Variants in TMTC2 observed in about 807,000 individuals in gnomAD.
TMTC2 encodes the protein protein O-mannosyl-transferase TMTC2.
Under a neutral mutation model 82.4 loss-of-function variants are expected in TMTC2, and 43 were observed. The observed-to-expected ratio is 0.52, with a 90% CI of 0.41 to 0.67. The LOEUF is 0.67. TMTC2 is among the 30% of genes least tolerant of loss of function. The pLI is 0.00. For synonymous variants in TMTC2, 408 were observed against 381.9 expected, an observed-to-expected ratio of 1.07 and a Z score of -0.80; for missense variants, 919 against 1,012.4, an observed-to-expected ratio of 0.91 and a Z score of 1.25.
At chr12:82,701,517 C>T (rs1307186367) in intron 1 of TMTC2, among the ~76,000 whole-genome samples, 16 of 149,798 alleles carry the variant, frequency 1.1e-4, no homozygotes, top group African/African-American at 3.4e-4. Context: ...TTTGGGAGGC[C>T]GAGGCGGGCG....
chr12:83,004,953 A>T (rs1275609417), intron 8 of TMTC2, among the ~76,000 whole-genome samples: 1 of 150,854 alleles, frequency 6.6e-6, no homozygotes, highest in African/African-American at 2.4e-5. Flanking sequence ...GGACTTCGTG[A>T]CCAGCCTGGC....
chr12:82,965,617 G>A lies in TMTC2; in HGVS notation c.1742G>A (p.Arg581Gln), dbSNP rs141363494. Residue 581 changes from arginine (R) to glutamine (Q), a missense_variant, in exon 6 of 12, where the codon CGA becomes CAA. Transcript: ENST00000321196. ...AACCAAGGAAGGACGGAAGAAGCCC[G>A]ACGGACATTCTTAAAGTGTTCGGAG... Reference protein sequence around the residue: ...LMNQGRTEEARRTFLKCSEIP... With the variant: ...LMNQGRTEEAQRTFLKCSEIP... 26 of 1,613,730 alleles carry A rather than the reference G, an allele frequency of 1.6e-5. No individual in the cohort carries two copies. The highest frequency in any genetic ancestry group is 1.6e-4 in the Middle Eastern group (1 of 6,062).
At chr12:82,869,577 C>T (rs1220863185) in intron 2 of TMTC2, among the ~76,000 whole-genome samples, 2 of 152,146 alleles carry the variant, frequency 1.3e-5, no homozygotes, top group Non-Finnish European at 2.9e-5. Flanking sequence ...TGGTGACTCA[C>T]ACTTGTAATG....
intron 2 of TMTC2, among the ~76,000 whole-genome samples, chr12:82,875,758 AT>A (rs1389773487): frequency 1.3e-5 from 2 of 152,120 alleles, no homozygotes; most frequent in African/African-American, 4.8e-5. Flanking sequence ...TTCAGTTGAA[AT>A]TTAGCTTGTG....
At chr12:82,828,648 G>A (rs1435649180) in intron 1 of TMTC2, among the ~76,000 whole-genome samples, 1 of 152,104 alleles carries the variant, frequency 6.6e-6, no homozygotes, top group Non-Finnish European at 1.5e-5. Context: ...CATCATAAAA[G>A]GTTTCTGTCC....
At chr12:82,854,762 A>T (rs1423853948) in intron 1 of TMTC2, among the ~76,000 whole-genome samples, 1 of 152,190 alleles carries the variant, frequency 6.6e-6, no homozygotes, top group East Asian at 1.9e-4. Flanking sequence ...CATTTAGAAA[A>T]GTCAACTAGT....
chr12:82,973,516 A>C (rs1730979931), intron 7 of TMTC2, among the ~76,000 whole-genome samples: 1 of 152,194 alleles, frequency 6.6e-6, no homozygotes, highest in Admixed American at 6.5e-5. Flanking sequence ...TATGAAATTT[A>C]TGAGCAAAAA....
In TMTC2 at chr12:82,896,348, T is replaced by C; in HGVS notation, c.1185T>C (p.Val395=). 1 of 1,614,146 alleles carries C rather than the reference T, an allele frequency of 6.2e-7. No homozygotes were observed. The change falls in exon 3 of 12, where the codon GTT becomes GTC. Residue 395 remains valine, a synonymous_variant. Transcript: ENST00000321196. The part of the protein sequence containing the change: ...TQLPSTENIV[V]LSLSLLIIPF... ...TTCCTTCTACGGAGAACATTGTTGT[T>C]CTGTCTTTATCTTTGTTAATCATAC...
intron 4 of TMTC2, among the ~76,000 whole-genome samples, chr12:82,960,593 G>T (rs1877875888): frequency 6.6e-6 from 1 of 151,934 alleles, no homozygotes; most frequent in Non-Finnish European, 1.5e-5. Context: ...ATGGCCATAA[G>T]ATGGCAATAA....
intron 4 of TMTC2, among the ~76,000 whole-genome samples, chr12:82,939,029 T>C (rs188687216): frequency 2.6e-5 from 4 of 152,312 alleles, no homozygotes; most frequent in Admixed American, 2.0e-4. Context: ...GTCTTCATTT[T>C]AAGTTGTTTA....
chr12:82,826,911 C>T (rs1034120900), intron 1 of TMTC2, among the ~76,000 whole-genome samples: 1 of 152,138 alleles, frequency 6.6e-6, no homozygotes, highest in Non-Finnish European at 1.5e-5. Flanking sequence ...CTTATTAGAT[C>T]AACACATTAA....
intron 1 of TMTC2, among the ~76,000 whole-genome samples, chr12:82,775,522 A>G (rs1403234826): frequency 1.3e-5 from 2 of 152,078 alleles, no homozygotes; most frequent in Non-Finnish European, 2.9e-5. Context: ...ACGTGTATAG[A>G]GAGGAAACTA....
intron 1 of TMTC2, among the ~76,000 whole-genome samples, chr12:82,769,754 T>C (rs1371269105): frequency 6.6e-6 from 1 of 151,984 alleles, no homozygotes; most frequent in Non-Finnish European, 1.5e-5. Context: ...GGGATTACAG[T>C]TGTGTACCAC....
At chr12:82,918,092 A>C (rs1348883655) in intron 3 of TMTC2, among the ~76,000 whole-genome samples, 1 of 151,760 alleles carries the variant, frequency 6.6e-6, no homozygotes, top group African/African-American at 2.4e-5. Context: ...TAAGTTTTGT[A>C]TTTATTGGGG....
intron 11 of TMTC2, among the ~76,000 whole-genome samples, chr12:83,083,004 G>T (rs771815165): frequency 6.6e-6 from 1 of 152,154 alleles, no homozygotes; most frequent in Non-Finnish European, 1.5e-5. Flanking sequence ...CTGGGTCTGG[G>T]ATCTTCTGCC....
intron 1 of TMTC2, among the ~76,000 whole-genome samples, chr12:82,743,332 T>G (rs2136956185): frequency 6.6e-6 from 1 of 151,540 alleles, no homozygotes; most frequent in South Asian, 2.1e-4. Flanking sequence ...TCATAGCTAC[T>G]CGGTAGGCTG....
chr12:82,880,798 T>C (rs1357821193), intron 2 of TMTC2, among the ~76,000 whole-genome samples: 3 of 152,216 alleles, frequency 2.0e-5, no homozygotes, highest in African/African-American at 7.2e-5. Flanking sequence ...AAACAAGTTG[T>C]CTAATCTTAT....
At chr12:83,106,759 A>G (rs1050320417) in intron 11 of TMTC2, among the ~76,000 whole-genome samples, 4 of 152,236 alleles carry the variant, frequency 2.6e-5, no homozygotes, top group Non-Finnish European at 5.9e-5. Context: ...GCTGTTAAGA[A>G]AAATATCTGT....
At chr12:82,927,861 T>G (rs1334010903) in intron 3 of TMTC2, among the ~76,000 whole-genome samples, 1 of 152,230 alleles carries the variant, frequency 6.6e-6, no homozygotes, top group African/African-American at 2.4e-5. Context: ...CATTATTTTT[T>G]AGACATCATG....
Sources: gnomAD v4.1 joint callset for allele counts (sites outside exome capture counted in the v4.1 genomes callset) on GRCh38, gnomAD v4.1.1 for gene constraint, MANE v1.5 for transcripts, NCBI Gene and HGNC (gene_info 2026-07-23, HGNC 2026-07-21) for gene names.